Variants in PANX2 observed in about 807,000 individuals in gnomAD.
The protein encoded by PANX2 is pannexin 2.
PANX2 carries 30 observed loss-of-function variants against 38.7 expected under a neutral mutation model. The observed-to-expected ratio is 0.78, with a 90% confidence interval of 0.58 to 1.05. PANX2 has a LOEUF of 1.05. PANX2 is among the 50% of genes least tolerant of loss of function. The pLI is 0.00. For synonymous variants in PANX2, 539 were observed against 472.1 expected (o/e 1.14, Z -1.84); for missense variants, 880 against 979.3 (o/e 0.90, Z 1.35).
chr22:50,178,718 G>A (rs1283268888), intron 2 of PANX2, among the ~76,000 whole-genome samples: 3 of 152,174 alleles, frequency 2.0e-5, no homozygotes, highest in Non-Finnish European at 4.4e-5. Flanking sequence ...CAAGTTCCTC[G>A]GGTGAGGAAA....
chr22:50,173,271 G>A (rs1227477998), intron 1 of PANX2, among the ~76,000 whole-genome samples: 1 of 152,188 alleles, frequency 6.6e-6, no homozygotes, highest in East Asian at 1.9e-4. Flanking sequence ...GATCTCAGGT[G>A]ATCCGCCCGC....
intron 1 of PANX2, among the ~76,000 whole-genome samples, chr22:50,171,216 C>G (rs935173207): frequency 7.9e-5 from 12 of 152,336 alleles, no homozygotes; most frequent in Middle Eastern, 3.4e-3. Flanking sequence ...CTAGGCCTGT[C>G]TGGACCCAGG....
Position 50,177,914 on chromosome 22 carries a change from G to A in PANX2, c.1202G>A (p.Gly401Glu). 9 of 1,530,408 alleles carry A rather than the reference G, an allele frequency of 5.9e-6. No individual in the cohort carries two copies. The highest frequency in any genetic ancestry group is 2.4e-5 in the South Asian group (2 of 84,236). The allele number at this position is 1,530,408 out of a possible 1,614,324, so 94.8% of individuals were successfully genotyped here. ...GCCACCCCCACGGTGCGCGACTCGG[G>A]GGTGCAGACCGTGGACCCCAGCGCC... ...HDATPTVRDS[G>E]VQTVDPSANP... Residue 401 changes from glycine (G) to glutamate (E), a missense_variant, in exon 2 of 3, where the codon GGG becomes GAG. Physicochemically the swap from Gly to Glu is moderately conservative, Grantham distance 98. Around this residue, in one of 4 missense-constraint regions of PANX2, gnomAD observed 445 missense variants for 404.3 expected, o/e 1.10. Coordinates refer to ENST00000395842, the MANE Select transcript of PANX2 (RefSeq NM_052839.4).
chr22:50,177,186 G>T lies in PANX2; in HGVS notation c.474G>T (p.Leu158=), dbSNP rs764530663. Reference sequence around the variant, plus strand: ...TCACCTCCGAGCTCAACTTCCTGCTGCAGGAGATCGACAACTGTTACCACC... The same window carrying T: ...TCACCTCCGAGCTCAACTTCCTGCTTCAGGAGATCGACAACTGTTACCACC... ...TRLTSELNFL[L]QEIDNCYHRA... is the part of the protein sequence containing the mutation. Residue 158 remains leucine, a synonymous_variant, in exon 2 of 3, where the codon CTG becomes CTT. Coordinates refer to ENST00000395842, the MANE Select transcript of PANX2 (RefSeq NM_052839.4). The T allele has an allele frequency of 4.3e-6, 7 of 1,609,954 alleles. No homozygotes were observed. The South Asian group carries it at 5.5e-5, about 13-fold the overall frequency.
At chr22:50,178,739 G>A (rs966809622) in intron 2 of PANX2, among the ~76,000 whole-genome samples, 195 bp from the exon 3 acceptor site, 19 of 152,186 alleles carry the variant, frequency 1.2e-4, no homozygotes, top group African/African-American at 4.6e-4. Context: ...TTCCACCGAC[G>A]GCACTGCGGC....
chr22:50,172,529 C>A (rs2063637838), intron 1 of PANX2, among the ~76,000 whole-genome samples: 1 of 150,084 alleles, frequency 6.7e-6, no homozygotes, highest in Non-Finnish European at 1.5e-5. Flanking sequence ...CTCAGGTGTT[C>A]TTCCTGCCTC....
Position 50,177,078 on chromosome 22 carries a change from G to C in PANX2, c.366G>C (p.Lys122Asn), listed in dbSNP as rs1260342409. The change falls in exon 2 of 3, where the codon AAG becomes AAC. Residue 122 changes from lysine to asparagine, a missense_variant. Coordinates refer to ENST00000395842, the MANE Select transcript of PANX2 (RefSeq NM_052839.4). ...TGTGGCCGTCGCTGTTTGAGCACAA[G>C]TTCCTGCCCTACGCGCTGCTGGCCT... ...ASLWPSLFEH[K>N]FLPYALLAFA... 7 of 1,611,052 alleles carry C rather than the reference G, an allele frequency of 4.3e-6. No individual in the cohort carries two copies. Among genetic ancestry groups the C allele is most frequent in the Non-Finnish European group, 5.9e-6 (7 of 1,179,186 alleles).
rs547320605 is a variant in PANX2, at chr22:50,179,238, C to T, written c.1995C>T (p.Phe665=). The T allele has an allele frequency of 1.9e-6, 3 of 1,612,698 alleles. No individual in the cohort carries two copies. Among genetic ancestry groups the T allele is most frequent in the Non-Finnish European group, 2.5e-6 (3 of 1,179,890 alleles). Residue 665 remains phenylalanine (F), a synonymous_variant, in exon 3 of 3, where the codon TTC becomes TTT. Coordinates refer to ENST00000395842, the MANE Select transcript of PANX2 (RefSeq NM_052839.4). ...CACAGCAGATCCTCATCGCCACCTT[C>T]GACGAGCCGAGAACGGTCGTGAGTA... is the stretch of plus-strand genomic sequence containing the variant. The part of the protein sequence containing the change: ...PAPQQILIAT[F]DEPRTVVSTV...
intron 1 of PANX2, 27 bp downstream of exon 1, chr22:50,170,983 C>G: frequency 7.4e-7 from 1 of 1,360,428 alleles, no homozygotes; most frequent in Non-Finnish European, 9.9e-7. Flanking sequence ...GGGCGCGGGG[C>G]GCGGGCAGAG....
rs2063668475 is a variant in PANX2, at chr22:50,177,453, C to G, written c.741C>G (p.Thr247=). Residue 247 remains threonine (T), a synonymous_variant, in exon 2 of 3, where the codon ACC becomes ACG. Coordinates refer to ENST00000395842, the MANE Select transcript of PANX2 (RefSeq NM_052839.4). ...LSAVPISYLC[T]YYATQKQNEF... ...CCGTGCCCATCTCCTACCTGTGCACCTACTACGCCACGCAGAAGCAGAACG... is the reference window on the plus strand; with the variant it reads ...CCGTGCCCATCTCCTACCTGTGCACGTACTACGCCACGCAGAAGCAGAACG... 2 of 1,608,792 alleles carry G rather than the reference C, an allele frequency of 1.2e-6. No homozygotes were observed. The highest frequency in any genetic ancestry group is 2.7e-5 in the African/African-American group (2 of 74,966).
intron 1 of PANX2, among the ~76,000 whole-genome samples, chr22:50,175,078 C>T (rs2063654793): frequency 6.6e-6 from 1 of 152,178 alleles, no homozygotes; most frequent in Non-Finnish European, 1.5e-5. Context: ...AAACTGAGGT[C>T]GGAGTGGCAA....
Position 50,178,188 on chromosome 22 carries a change from C to A in PANX2, c.1476C>A (p.Gly492=). 1.4e-6 allele frequency: 2 copies of A among 1,474,458 alleles called. No homozygotes were observed. Among genetic ancestry groups the A allele is most frequent in the Non-Finnish European group, 1.8e-6 (2 of 1,124,228 alleles). The allele number at this position is 1,474,458 out of a possible 1,614,324, so 91.3% of individuals were successfully genotyped here. The part of the protein sequence containing the change: ...HHYKGGGGDP[G]PGPAPAPAPP... ...ACAAGGGCGGAGGGGGCGACCCGGGCCCCGGCCCCGCCCCTGCCCCCGCCC... is the reference window on the plus strand; with the variant it reads ...ACAAGGGCGGAGGGGGCGACCCGGGACCCGGCCCCGCCCCTGCCCCCGCCC... The change falls in exon 2 of 3, where the codon GGC becomes GGA. Residue 492 remains glycine, a synonymous_variant. Coordinates refer to ENST00000395842, the MANE Select transcript of PANX2 (RefSeq NM_052839.4).
rs143921868 is a variant in PANX2, at chr22:50,177,171, G to A, written c.459G>A (p.Glu153=). 3 of 1,609,134 alleles carry A rather than the reference G, an allele frequency of 1.9e-6. No homozygotes were observed. Among genetic ancestry groups the A allele is most frequent in the Non-Finnish European group, 2.5e-6 (3 of 1,177,944 alleles). The change falls in exon 2 of 3, where the codon GAG becomes GAA. Residue 153 remains glutamate, a synonymous_variant. Transcript: ENST00000395842. ...EFLASTRLTS[E]LNFLLQEIDN... ...TGGCCTCCACGCGCCTCACCTCCGAGCTCAACTTCCTGCTGCAGGAGATCG... is the reference window on the plus strand; with the variant it reads ...TGGCCTCCACGCGCCTCACCTCCGAACTCAACTTCCTGCTGCAGGAGATCG...
chr22:50,170,991 G>C (rs1432098739), intron 1 of PANX2, 35 bp downstream of exon 1: 1 of 1,251,074 alleles, frequency 8.0e-7, no homozygotes, highest in Non-Finnish European at 1.1e-6. Context: ...GGCGCGGGCA[G>C]AGGGGGCGTC....
rs2063689364 is a variant in PANX2 at position 50,179,807 on chromosome 22, G to A, written c.*530G>A. 6.3e-6 allele frequency: 1 copy of A among 157,722 alleles called. No homozygotes were observed. Among genetic ancestry groups the A allele is most frequent in the Admixed American group, 6.1e-5 (1 of 16,380 alleles). The allele number at this position is 157,722 out of a possible 1,614,324, so 9.8% of individuals were successfully genotyped here. A position where few individuals can be genotyped will look rare whatever the true frequency, so the allele number is the denominator to read the frequency against. On this transcript the variant is annotated 3_prime_UTR_variant, in exon 3 of 3. Coordinates refer to ENST00000395842, the MANE Select transcript of PANX2 (RefSeq NM_052839.4). Reference sequence around the variant, plus strand: ...GGGAGGGACCGAGGTCCACCCTCGGGTCAAAGGTCAACGTGCACTTTCTCC... The same window carrying A: ...GGGAGGGACCGAGGTCCACCCTCGGATCAAAGGTCAACGTGCACTTTCTCC...
chr22:50,178,863 G>A, intron 2 of PANX2, 71 bp from the exon 3 acceptor site: 1 of 1,349,678 alleles, frequency 7.4e-7, no homozygotes, highest in South Asian at 1.4e-5. Context: ...CCGCCAGCCT[G>A]CACTGGGTGG....
chr22:50,174,147 A>T (rs2063649840), intron 1 of PANX2, among the ~76,000 whole-genome samples: 2 of 152,288 alleles, frequency 1.3e-5, no homozygotes, highest in South Asian at 4.1e-4. Flanking sequence ...GCCAGCAGGC[A>T]GGAGGAGGCT....
chr22:50,177,975 C>G lies in PANX2; in HGVS notation c.1263C>G (p.Pro421=), dbSNP rs781516056. The G allele has an allele frequency of 1.5e-5, 23 of 1,535,450 alleles. No homozygotes were observed. Among genetic ancestry groups the G allele is most frequent in the Non-Finnish European group, 1.9e-5 (22 of 1,145,396 alleles). The change falls in exon 2 of 3, where the codon CCC becomes CCG. Residue 421 remains proline, a synonymous_variant. Transcript: ENST00000395842. Reference sequence around the variant, plus strand: ...AGCCCGACGGCGCCGCCGAGCCGCCCGTGGTCAAGCGGCCGCGCAAGAAGA... The same window carrying G: ...AGCCCGACGGCGCCGCCGAGCCGCCGGTGGTCAAGCGGCCGCGCAAGAAGA... ...PAEPDGAAEP[P]VVKRPRKKMK...
chr22:50,177,211 CGGGCGGCCGAG>C lies in PANX2; in HGVS notation c.502_512del (p.Ala168ProfsTer335). On this transcript the variant is annotated frameshift_variant, in exon 2 of 3. Coordinates refer to ENST00000395842, the MANE Select transcript of PANX2 (RefSeq NM_052839.4). LOFTEE classifies it high-confidence loss of function. The stretch of plus-strand genomic sequence containing the variant: ...GCAGGAGATCGACAACTGTTACCAC[CGGGCGGCCGAG>C]GGCCGCGCGCCCAAGATCGAGAAGC... The C allele has an allele frequency of 6.2e-7, 1 of 1,610,594 alleles. No individual in the cohort carries two copies. The highest frequency in any genetic ancestry group is 8.5e-7 in the Non-Finnish European group (1 of 1,178,958).
Sources: gnomAD v4.1 joint callset for allele counts (sites outside exome capture counted in the v4.1 genomes callset) on GRCh38, gnomAD v4.1.1 for gene constraint, gnomAD v4.1.1 regional missense constraint, MANE v1.5 for transcripts, NCBI Gene and HGNC (gene_info 2026-07-23, HGNC 2026-07-21) for gene names.